The following UCHL3 variants were observed in gnomAD, a reference collection of about 807,000 sequenced individuals.
UCHL3 encodes the protein ubiquitin C-terminal hydrolase L3.
Under a neutral mutation model 35.8 loss-of-function variants are expected in UCHL3, and 22 were observed. The ratio of observed to expected loss-of-function variants is 0.61; its 90% CI spans 0.44 to 0.88. The LOEUF (loss-of-function observed/expected upper bound fraction) is 0.88, where lower values mean the gene tolerates loss of function less well. UCHL3 is among the 40% of genes least tolerant of loss of function. The pLI, the probability that UCHL3 is intolerant of heterozygous loss-of-function variation, is 0.00. For synonymous variants in UCHL3, 90 were observed against 92.8 expected, an observed-to-expected ratio of 0.97 and a Z score of 0.17; for missense variants, 229 against 276.9, an observed-to-expected ratio of 0.83 and a Z score of 1.23.
At chr13:75,579,383 A>T (rs1267204329) in intron 6 of UCHL3, among the ~76,000 whole-genome samples, 2 of 151,972 alleles carry the variant, frequency 1.3e-5, no homozygotes, top group Non-Finnish European at 2.9e-5. Context: ...TTTCAACATG[A>T]CTTAATCTTT....
At chr13:75,563,428 T>A (rs1430682269) in intron 3 of UCHL3, among the ~76,000 whole-genome samples, 1 of 152,196 alleles carries the variant, frequency 6.6e-6, no homozygotes, top group Non-Finnish European at 1.5e-5. Context: ...CTGCCCACTT[T>A]GGTCTCCCAG....
rs149550685 is a variant in UCHL3 at position 75,599,916 on chromosome 13, A to G, written c.551-4853A>G. On this transcript the variant is annotated intron_variant, in intron 7 of 8. Transcript: ENST00000377595. ...ATAGCTAGGCCTCTTGTGCAAAACA[A>G]TAAGCCAAGTTGTGAATGCAAAGGA... Among the ~76,000 whole-genome samples the G allele has an allele frequency of 1.6e-3, 247 of 152,356 alleles. 1 individual carries two copies. Among genetic ancestry groups the G allele is most frequent in the African/African-American group, 5.3e-3 (219 of 41,582 alleles).
intron 2 of UCHL3, among the ~76,000 whole-genome samples, chr13:75,557,187 G>A (rs970376367): frequency 6.6e-5 from 10 of 151,976 alleles, no homozygotes; most frequent in Middle Eastern, 3.4e-3. Context: ...CTGCACTCCA[G>A]CCTGGGCAAT....
chr13:75,567,179 C>T (rs768886958), intron 4 of UCHL3, 48 bp from the exon 5 acceptor site: 1 of 1,533,862 alleles, frequency 6.5e-7, no homozygotes, highest in South Asian at 1.1e-5. Context: ...ATATTGGTCT[C>T]TCTGCTGTAT....
chr13:75,571,164 G>A (rs559403870), intron 6 of UCHL3, among the ~76,000 whole-genome samples: 5 of 152,282 alleles, frequency 3.3e-5, no homozygotes, highest in African/African-American at 9.6e-5. Context: ...GAGGATCAGC[G>A]TAAGTTTATT....
upstream of UCHL3, chr13:75,549,634 C>T: frequency 1.9e-6 from 1 of 522,122 alleles, no homozygotes; most frequent in Non-Finnish European, 3.2e-6. Context: ...TAAAATATGA[C>T]ACTTGACCTA....
chr13:75,561,872 C>T (rs12874039), intron 3 of UCHL3, among the ~76,000 whole-genome samples: 170 of 117,272 alleles, frequency 1.4e-3, no homozygotes, highest in Admixed American at 3.4e-3. Flanking sequence ...TATATACATA[C>T]GTATATACGT....
Position 75,569,492 on chromosome 13 carries a change from T to C in UCHL3, c.459T>C (p.His153=). The C allele has an allele frequency of 1.2e-6, 2 of 1,610,802 alleles. No individual in the cohort carries two copies. The highest frequency in any genetic ancestry group is 1.3e-5 in the African/African-American group (1 of 74,960). The change falls in exon 6 of 9, where the codon CAT becomes CAC. Residue 153 remains histidine, a synonymous_variant. Transcript: ENST00000377595. ...AIRVTHETSA[H]EGQTEAPSID... is the part of the protein sequence containing the mutation. ...GAGTTACTCATGAGACCAGTGCCCA[T>C]GAAGGTCAGACTGAGGTATTTCACA...
intron 2 of UCHL3, among the ~76,000 whole-genome samples, chr13:75,551,713 AT>A (rs1447058656): frequency 6.6e-6 from 1 of 152,220 alleles, no homozygotes; most frequent in Non-Finnish European, 1.5e-5. Context: ...TTTTTAGATG[AT>A]GTTGATTGTT....
At chr13:75,553,116 A>C (rs2031169997) in intron 2 of UCHL3, among the ~76,000 whole-genome samples, 1 of 152,252 alleles carries the variant, frequency 6.6e-6, no homozygotes, top group Non-Finnish European at 1.5e-5. Flanking sequence ...TTAAATAATC[A>C]CAATAAATAA....
At position 75,555,497 on chromosome 13, in the gene UCHL3, T is replaced by A. The variant is rs371688372; in HGVS notation, c.55-5256T>A. 3.1e-4 allele frequency among the ~76,000 whole-genome samples: 47 copies of A among 152,280 alleles called. 1 individual carries two copies. In the South Asian group the frequency reaches 7.9e-3, roughly 26 times the overall value. On this transcript the variant is annotated intron_variant, in intron 2 of 8. Coordinates refer to ENST00000377595, the MANE Select transcript of UCHL3 (RefSeq NM_006002.5). The stretch of plus-strand genomic sequence containing the variant: ...GTTGTCAGATGGAAGAATGAATAGA[T>A]CTTATAAAGCTGCTTTCCTGCTCCA...
chr13:75,590,131 T>C, intron 6 of UCHL3: 4 of 1,302,590 alleles, frequency 3.1e-6, no homozygotes, highest in Non-Finnish European at 4.0e-6. Flanking sequence ...CATTCTGTTG[T>C]AAGTTTAGTC....
At chr13:75,561,875 A>ATATATG (rs2031527643) in intron 3 of UCHL3, among the ~76,000 whole-genome samples, 1 of 151,030 alleles carries the variant, frequency 6.6e-6, no homozygotes, top group Non-Finnish European at 1.5e-5. Context: ...ATACATACGT[A>ATATATG]TATACGTATA....
chr13:75,566,667 TAC>T (rs749268109), intron 3 of UCHL3, 26 bp from the exon 4 acceptor site: 1 of 1,276,116 alleles, frequency 7.8e-7, no homozygotes, highest in East Asian at 2.9e-5. Flanking sequence ...TTTCCACAAA[TAC>T]ACTGTTGACT....
At chr13:75,578,355 T>G (rs2032085303) in intron 6 of UCHL3, among the ~76,000 whole-genome samples, 1 of 152,168 alleles carries the variant, frequency 6.6e-6, no homozygotes, top group African/African-American at 2.4e-5. Context: ...TTGGGTAGCT[T>G]CTTGTAGGTG....
At chr13:75,584,342 C>T (rs1409637158) in intron 6 of UCHL3, among the ~76,000 whole-genome samples, 1 of 152,184 alleles carries the variant, frequency 6.6e-6, no homozygotes, top group East Asian at 1.9e-4. Flanking sequence ...TGAGCAAAAG[C>T]CTAAAGCTGA....
intron 2 of UCHL3, 34 bp from the exon 3 acceptor site, chr13:75,560,719 C>T: frequency 6.4e-7 from 1 of 1,568,060 alleles, no homozygotes; most frequent in Non-Finnish European, 8.6e-7. Flanking sequence ...AACTAATGTT[C>T]CATTGTTTTT....
chr13:75,590,019 C>T (rs928134541), intron 6 of UCHL3: 6 of 1,304,648 alleles, frequency 4.6e-6, no homozygotes, highest in African/African-American at 3.0e-5. Flanking sequence ...TGCATCCCTG[C>T]CCTGGGTCAA....
intron 3 of UCHL3, among the ~76,000 whole-genome samples, chr13:75,562,348 T>A (rs2031545749): frequency 6.6e-6 from 1 of 152,134 alleles, no homozygotes; most frequent in South Asian, 2.1e-4. Context: ...TCTTACTGAT[T>A]GTCTAGTATT....
Sources: allele counts gnomAD v4.1 joint callset (sites outside exome capture counted in the v4.1 genomes callset), GRCh38; gene constraint gnomAD v4.1.1; transcripts MANE v1.5; gene names NCBI Gene and HGNC (gene_info 2026-07-23, HGNC 2026-07-21).